Variants in DOCK4 observed in about 807,000 individuals in gnomAD.
DOCK4 encodes the protein dedicator of cytokinesis 4, also known as dedicator of cytokinesis protein 4.
Under a neutral mutation model 268.1 loss-of-function variants are expected in DOCK4, and 97 were observed. The observed-to-expected ratio is 0.36, with a 90% CI of 0.31 to 0.43. DOCK4 has a LOEUF of 0.43. Among genes scored for constraint, DOCK4 ranks in the 20% least tolerant of loss-of-function variants. The pLI, the probability that DOCK4 is intolerant of heterozygous loss-of-function variation, is 1.00. For missense variants in DOCK4, 2,145 were observed against 2,455.7 expected (o/e 0.87, Z 2.67); for synonymous variants, 954 against 887.2 (o/e 1.08, Z -1.34).
intron 44 of DOCK4, among the ~76,000 whole-genome samples, chr7:111,745,346 T>G (rs1344051048): frequency 6.6e-6 from 1 of 152,202 alleles, no homozygotes; most frequent in Non-Finnish European, 1.5e-5. Context: ...TGCCTCATAT[T>G]TGGAGTTGGC....
At chr7:111,862,482 CTTTTTTTTTTT>C (rs1168060750) in intron 23 of DOCK4, among the ~76,000 whole-genome samples, 4 of 83,386 alleles carry the variant, frequency 4.8e-5, no homozygotes, top group Non-Finnish European at 6.6e-5. Context: ...GAAAATCATT[CTTTTTTTTTTT>C]TTTTTTTTTT....
chr7:111,948,003 C>T (rs1795755325), intron 8 of DOCK4, among the ~76,000 whole-genome samples: 2 of 152,264 alleles, frequency 1.3e-5, no homozygotes, highest in African/African-American at 2.4e-5. Context: ...GCTGGGATTA[C>T]AGGCGTGGGC....
At chr7:112,022,890 T>C (rs894464327) in intron 1 of DOCK4, among the ~76,000 whole-genome samples, 16 of 152,296 alleles carry the variant, frequency 1.1e-4, no homozygotes, top group African/African-American at 2.6e-4. Flanking sequence ...AGAATTCAAG[T>C]ACCACTTCAA....
At chr7:112,017,434 G>T (rs1801903757) in intron 1 of DOCK4, among the ~76,000 whole-genome samples, 1 of 152,166 alleles carries the variant, frequency 6.6e-6, no homozygotes, top group South Asian at 2.1e-4. Flanking sequence ...ATGAAAACTG[G>T]GTGATGGGAG....
At position 111,782,845 on chromosome 7, in the gene DOCK4, A is replaced by G. The variant is rs757000805; in HGVS notation, c.3585+19T>C. ...CAAGTATTAGGAGAAAAGGAGAAAA[A>G]GGGGAATAGTTTACTAACCAGAAGG... is the stretch of plus-strand genomic sequence containing the variant. On this transcript the variant is annotated intron_variant, in intron 35 of 52. Coordinates refer to ENST00000428084, the MANE Select transcript of DOCK4 (RefSeq NM_001363540.2). 8 of 1,611,098 alleles carry G rather than the reference A, an allele frequency of 5.0e-6. No homozygotes were observed. Among genetic ancestry groups the G allele is most frequent in the Non-Finnish European group, 6.8e-6 (8 of 1,177,922 alleles).
rs869052136 is a variant in DOCK4 at position 111,762,762 on chromosome 7, C to CTTTTTTTTTTTTTTTTTTTTTTTTTT, written c.4020+2355_4020+2356insAAAAAAAAAAAAAAAAAAAAAAAAAA. On this transcript the variant is annotated intron_variant, in intron 39 of 52. Transcript: ENST00000428084. ...TAAATAACCCATTTTGTTTTGTTTTCTTTTTTTTTTTTTTTTTTTTTTTTG... is the reference window on the plus strand; with the variant it reads ...TAAATAACCCATTTTGTTTTGTTTTCTTTTTTTTTTTTTTTTTTTTTTTTTTTTTTTTTTTTTTTTTTTTTTTTTTG... Among the ~76,000 whole-genome samples the CTTTTTTTTTTTTTTTTTTTTTTTTTT allele has an allele frequency of 2.3e-3, 145 of 63,052 alleles. 22 individuals carry two copies. Among genetic ancestry groups the CTTTTTTTTTTTTTTTTTTTTTTTTTT allele is most frequent in the Admixed American group, 3.7e-3 (14 of 3,832 alleles). The allele number at this position is 63,052 out of a possible 152,430, so 41.4% of individuals were successfully genotyped here.
intron 41 of DOCK4, among the ~76,000 whole-genome samples, chr7:111,756,621 T>A (rs1373863138): frequency 6.6e-6 from 1 of 152,098 alleles, no homozygotes; most frequent in Non-Finnish European, 1.5e-5. Flanking sequence ...TGAGCTGCTG[T>A]TGATGACACG....
intron 7 of DOCK4, among the ~76,000 whole-genome samples, chr7:111,983,606 T>C (rs992316985): frequency 6.6e-6 from 1 of 152,048 alleles, no homozygotes; most frequent in African/African-American, 2.4e-5. Flanking sequence ...TTGGGGAACC[T>C]GGATGCCAAG....
In DOCK4 at chr7:112,066,271, C is replaced by T. The variant is rs560320548; in HGVS notation, c.38-62140G>A. ...ATTTTGCTCACTCTCTCTTTTGGAG[C>T]AGGGACACTCTTCTTTTACTGTCCT... is the stretch of plus-strand genomic sequence containing the variant. On this transcript the variant is annotated intron_variant, in intron 1 of 52. Coordinates refer to ENST00000428084, the MANE Select transcript of DOCK4 (RefSeq NM_001363540.2). 1.1e-3 allele frequency among the ~76,000 whole-genome samples: 163 copies of T among 152,126 alleles called. 1 individual carries two copies. The highest frequency in any genetic ancestry group is 3.4e-3 in the Middle Eastern group (1 of 290).
intron 16 of DOCK4, among the ~76,000 whole-genome samples, chr7:111,882,338 G>A (rs928898237): frequency 6.6e-6 from 1 of 152,146 alleles, no homozygotes. Context: ...CCTGGGTAAT[G>A]AGAATATGGC....
rs1795522409 is a variant in DOCK4 at position 111,945,200 on chromosome 7, T to C, written c.784-329A>G. 2.0e-5 allele frequency among the ~76,000 whole-genome samples: 3 copies of C among 152,216 alleles called. No homozygotes were observed. The South Asian group carries it at 6.2e-4, about 32-fold the overall frequency. On this transcript the variant is annotated intron_variant, in intron 9 of 52. Coordinates refer to ENST00000428084, the MANE Select transcript of DOCK4 (RefSeq NM_001363540.2). The stretch of plus-strand genomic sequence containing the variant: ...TGGTTTTGTTTTTTGTTTTTTGTTT[T>C]TGGAGATGGAGTTTCGCTCTTGTTG...
intron 1 of DOCK4, among the ~76,000 whole-genome samples, chr7:112,188,613 A>G (rs1369911848): frequency 1.3e-5 from 2 of 152,226 alleles, no homozygotes; most frequent in Non-Finnish European, 2.9e-5. Context: ...TTCCATGACA[A>G]TTCATACCCC....
intron 1 of DOCK4, among the ~76,000 whole-genome samples, chr7:112,157,160 T>C (rs1357248182): frequency 6.6e-6 from 1 of 152,134 alleles, no homozygotes; most frequent in African/African-American, 2.4e-5. Context: ...TGAGCCCTAG[T>C]CATCTTTCTT....
intron 36 of DOCK4, among the ~76,000 whole-genome samples, chr7:111,775,601 G>A (rs1798391461): frequency 6.6e-6 from 1 of 152,170 alleles, no homozygotes; most frequent in Admixed American, 6.5e-5. Context: ...CCTGTTTCCT[G>A]GAACTGCAAA....
chr7:111,934,188 C>A (rs1180071985), intron 12 of DOCK4, among the ~76,000 whole-genome samples: 1 of 152,172 alleles, frequency 6.6e-6, no homozygotes, highest in African/African-American at 2.4e-5. Flanking sequence ...CAATGTGGGT[C>A]TGAATGGTGG....
intron 1 of DOCK4, among the ~76,000 whole-genome samples, chr7:112,123,689 C>T (rs989354067): frequency 3.9e-5 from 6 of 152,190 alleles, no homozygotes; most frequent in Non-Finnish European, 8.8e-5. Context: ...CCGTGTAATA[C>T]CCATGGCAAC....
intron 1 of DOCK4, among the ~76,000 whole-genome samples, chr7:112,094,639 A>G (rs1300086365): frequency 6.6e-6 from 1 of 152,216 alleles, no homozygotes; most frequent in African/African-American, 2.4e-5. Context: ...AAAATTGACC[A>G]TAGCTTAACA....
At chr7:111,729,326 G>A (rs544093972) in intron 52 of DOCK4, among the ~76,000 whole-genome samples, 5 of 152,106 alleles carry the variant, frequency 3.3e-5, no homozygotes, top group South Asian at 2.1e-4. Context: ...TTAGAAGGCC[G>A]ATGCAGGGAT....
intron 15 of DOCK4, 151 bp downstream of exon 15, chr7:111,900,223 C>T (rs1791022650): frequency 1.0e-6 from 1 of 984,242 alleles, no homozygotes; most frequent in South Asian, 1.8e-5. Context: ...TAACACTGTG[C>T]CTCCCCTTTC....
Sources: allele counts gnomAD v4.1 joint callset (sites outside exome capture counted in the v4.1 genomes callset), GRCh38; gene constraint gnomAD v4.1.1; transcripts MANE v1.5; gene names NCBI Gene and HGNC (gene_info 2026-07-23, HGNC 2026-07-21).